The following KLK7 variants were observed in gnomAD, a reference collection of about 807,000 sequenced individuals.
KLK7 encodes kallikrein-7.
In KLK7, 17 loss-of-function variants were observed where a neutral mutation model predicts 21.0. That is an observed-to-expected ratio of 0.81 (90% confidence interval 0.55 to 1.21). KLK7 has a LOEUF of 1.21. Among genes scored for constraint, KLK7 ranks in the 50% most tolerant of loss-of-function variants. KLK7 has a pLI of 0.00. For synonymous variants in KLK7, 151 were observed against 134.6 expected, an observed-to-expected ratio of 1.12 and a Z score of -0.85; for missense variants, 330 against 322.8, an observed-to-expected ratio of 1.02 and a Z score of -0.17.
At chr19:50,983,781 G>A (rs911711845) in intron 1 of KLK7, 70 bp downstream of exon 1, 66 of 1,280,960 alleles carry the variant, frequency 5.2e-5, no homozygotes, top group African/African-American at 3.0e-4. Flanking sequence ...CCTCTCGAGA[G>A]CAGAGTCAGG....
intron 5 of KLK7, among the ~76,000 whole-genome samples, chr19:50,979,442 A>G (rs2091059731): frequency 6.6e-6 from 1 of 152,094 alleles, no homozygotes; most frequent in Admixed American, 6.5e-5. Flanking sequence ...ATGAGTTTTT[A>G]TTTTTATTTT....
At position 50,977,071 on chromosome 19, in the gene KLK7, G is replaced by A. The variant is rs935819885; in HGVS notation, c.*465C>T. ...AAAAAAACATCGTTGTGCCAAGCCAGACTATTATTTAAGCCATCTGGTACT... is the reference window on the plus strand; with the variant it reads ...AAAAAAACATCGTTGTGCCAAGCCAAACTATTATTTAAGCCATCTGGTACT... On this transcript the variant is annotated 3_prime_UTR_variant, in exon 6 of 6. Transcript: ENST00000595820. 12 of 154,096 alleles carry A rather than the reference G, an allele frequency of 7.8e-5. No homozygotes were observed. Among genetic ancestry groups the A allele is most frequent in the Admixed American group, 7.7e-4 (12 of 15,558 alleles). 9.5% of individuals were successfully genotyped at this position (154,096 alleles called of 1,614,324 possible).
chr19:50,980,652 A>G (rs1307273144), intron 3 of KLK7, among the ~76,000 whole-genome samples, 165 bp from the exon 4 acceptor site: 7 of 140,662 alleles, frequency 5.0e-5, no homozygotes, highest in Non-Finnish European at 9.2e-5. Flanking sequence ...ACAGAGATCC[A>G]GAGAGAGAGG....
Position 50,976,488 on chromosome 19 carries a change from C to T in KLK7, c.*1048G>A, listed in dbSNP as rs1430906874. 6.6e-6 allele frequency: 1 copy of T among 152,152 alleles called. No homozygotes were observed. Among genetic ancestry groups the T allele is most frequent in the East Asian group, 1.9e-4 (1 of 5,184 alleles). 9.4% of individuals were successfully genotyped at this position (152,152 alleles called of 1,614,324 possible). On this transcript the variant is annotated 3_prime_UTR_variant, in exon 6 of 6. Coordinates refer to ENST00000595820, the MANE Select transcript of KLK7 (RefSeq NM_005046.4). ...CAATCTTAGATCTTCAGACTTTTTTCCCCACCTTTATTTTTCATGTTATAA... is the reference window on the plus strand; with the variant it reads ...CAATCTTAGATCTTCAGACTTTTTTTCCCACCTTTATTTTTCATGTTATAA...
intron 3 of KLK7, among the ~76,000 whole-genome samples, 188 bp from the exon 4 acceptor site, chr19:50,980,675 C>CAG: frequency 9.3e-6 from 1 of 107,948 alleles, no homozygotes; most frequent in Non-Finnish European, 1.8e-5. Context: ...GACAGAGCCC[C>CAG]AGAGAGAGGG....
rs1206606790 is a variant in KLK7 at position 50,977,612 on chromosome 19, G to A, written c.686C>T (p.Pro229Leu). 1.2e-5 allele frequency: 19 copies of A among 1,613,742 alleles called. No homozygotes were observed. The highest frequency in any genetic ancestry group is 1.6e-5 in the Non-Finnish European group (19 of 1,179,934). The change falls in exon 6 of 6, where the codon CCC becomes CTC. Residue 229 changes from proline (P) to leucine (L), a missense_variant. Physicochemically the swap from Pro to Leu is moderately conservative, Grantham distance 98 (BLOSUM62 -3). Transcript: ENST00000595820. Reference sequence around the variant, plus strand: ...TTGAGTGTAGACTCCTGGGTCATTGGGTTGGCCGCAAGGGAAAGTTCCCCA... The same window carrying A: ...TTGAGTGTAGACTCCTGGGTCATTGAGTTGGCCGCAAGGGAAAGTTCCCCA... ...VSWGTFPCGQ[P>L]NDPGVYTQVC...
rs1251517977 is a variant in KLK7 at position 50,981,195 on chromosome 19, CAG to C, written c.221+570_221+571del. Among the ~76,000 whole-genome samples, 6 of 118,870 alleles carry C rather than the reference CAG, an allele frequency of 5.0e-5. No homozygotes were observed. The East Asian group carries it at 1.1e-3, about 21-fold the overall frequency. 78.0% of individuals were successfully genotyped at this position (118,870 alleles called of 152,430 possible). A position where few individuals can be genotyped will look rare whatever the true frequency, so the allele number is the denominator to read the frequency against. On this transcript the variant is annotated intron_variant, in intron 3 of 5. Coordinates refer to ENST00000595820, the MANE Select transcript of KLK7 (RefSeq NM_005046.4). ...GACCCAGAGAGAGAGGGACAGAGAC[CAG>C]AGAGAGAGGAGGGGGAACAGAGACC...
intron 1 of KLK7, 79 bp downstream of exon 1, chr19:50,983,772 C>T: frequency 3.1e-6 from 4 of 1,276,186 alleles, no homozygotes; most frequent in Non-Finnish European, 4.1e-6. Context: ...CAGCCCCTAC[C>T]TCTCGAGAGC....
intron 1 of KLK7, among the ~76,000 whole-genome samples, chr19:50,982,813 C>T (rs1209176013): frequency 4.3e-5 from 6 of 138,426 alleles, no homozygotes; most frequent in Admixed American, 7.0e-5. Flanking sequence ...GTCCAGGCCC[C>T]CAGCTCCTCC....
Position 50,977,581 on chromosome 19 carries a change from G to T in KLK7, c.717C>A (p.Cys239Ter). 2 of 1,613,908 alleles carry T rather than the reference G, an allele frequency of 1.2e-6. No homozygotes were observed. Among genetic ancestry groups the T allele is most frequent in the Non-Finnish European group, 1.7e-6 (2 of 1,179,934 alleles). ...TGTCATTTATCCACTTGGTGAACTT[G>T]CACACTTGAGTGTAGACTCCTGGGT... ...PNDPGVYTQVCKFTKWINDTM... is the reference protein window; with the variant it reads ...PNDPGVYTQV The change falls in exon 6 of 6, where the codon TGC becomes TGA. Residue 239 changes from cysteine to a stop codon, truncating the protein, a stop_gained. Coordinates refer to ENST00000595820, the MANE Select transcript of KLK7 (RefSeq NM_005046.4). LOFTEE classifies it low-confidence loss of function (END_TRUNC).
chr19:50,977,273 G>T lies in KLK7; in HGVS notation c.*263C>A, dbSNP rs144946635. On this transcript the variant is annotated 3_prime_UTR_variant, in exon 6 of 6. Transcript: ENST00000595820. ...GGTGTACGTTGACCAAGTGTCTTCC[G>T]TAAAGACTGTACGAACGTCCAGTTC... is the stretch of plus-strand genomic sequence containing the variant. 1 of 427,306 alleles carries T rather than the reference G, an allele frequency of 2.3e-6. No homozygotes were observed. 26.5% of individuals were successfully genotyped at this position (427,306 alleles called of 1,614,324 possible).
chr19:50,981,085 G>C (rs1468039219), intron 3 of KLK7, among the ~76,000 whole-genome samples: 2 of 147,230 alleles, frequency 1.4e-5, no homozygotes, highest in African/African-American at 5.2e-5. Flanking sequence ...CCCAGAGAGA[G>C]AGGGACAGAG....
intron 2 of KLK7, 52 bp downstream of exon 2, chr19:50,982,275 A>G: frequency 6.3e-7 from 1 of 1,581,250 alleles, no homozygotes; most frequent in Non-Finnish European, 8.6e-7. Context: ...CTCCTTGGAG[A>G]GGGTCAGTGG....
In KLK7 at chr19:50,980,443, C is replaced by G. The variant is rs201304622; in HGVS notation, c.266G>C (p.Arg89Thr). 5.0e-6 allele frequency: 8 copies of G among 1,614,004 alleles called. No individual in the cohort carries two copies. In the East Asian group the frequency reaches 1.8e-4, roughly 36 times the overall value. Reference protein sequence around the residue: ...HLGSDTLGDRRAQRIKASKSF... With the variant: ...HLGSDTLGDRTAQRIKASKSF... ...CTTCGAGGCCTTGATCCTCTGAGCTCTCCTGTCGCCCAGCGTATCACTGCC... is the reference window on the plus strand; with the variant it reads ...CTTCGAGGCCTTGATCCTCTGAGCTGTCCTGTCGCCCAGCGTATCACTGCC... The change falls in exon 4 of 6, where the codon AGA becomes ACA. Residue 89 changes from arginine to threonine, a missense_variant. Coordinates refer to ENST00000595820, the MANE Select transcript of KLK7 (RefSeq NM_005046.4).
At chr19:50,982,064 G>A in intron 2 of KLK7, 150 bp from the exon 3 acceptor site, 1 of 933,462 alleles carries the variant, frequency 1.1e-6, no homozygotes. Flanking sequence ...GATAGAGACA[G>A]ACAGAAGGAG....
At chr19:50,977,985 T>C (rs2091049456) in intron 5 of KLK7, among the ~76,000 whole-genome samples, 1 of 152,018 alleles carries the variant, frequency 6.6e-6, no homozygotes, top group South Asian at 2.1e-4. Context: ...TGCTCCAAGC[T>C]AGTGGGAGAA....
At chr19:50,983,390 C>T (rs539433830) in intron 1 of KLK7, among the ~76,000 whole-genome samples, 1 of 78,566 alleles carries the variant, frequency 1.3e-5, no homozygotes. Context: ...GGAGTCCAGG[C>T]CCCAGCTCCT....
intron 1 of KLK7, 108 bp downstream of exon 1, chr19:50,983,743 G>C: frequency 8.0e-7 from 1 of 1,250,218 alleles, no homozygotes; most frequent in Non-Finnish European, 1.0e-6. Flanking sequence ...TCACTGCTCA[G>C]GACCGGGAGT....
chr19:50,980,392 G>A lies in KLK7; in HGVS notation c.317C>T (p.Thr106Ile). 6.2e-7 allele frequency: 1 copy of A among 1,614,086 alleles called. No individual in the cohort carries two copies. The highest frequency in any genetic ancestry group is 8.5e-7 in the Non-Finnish European group (1 of 1,179,986). Reference sequence around the variant, plus strand: ...CATGAGGTCATTAACATGGGTCTGTGTGGAGTAGCCGGGGTGGCGGAATGA... The same window carrying A: ...CATGAGGTCATTAACATGGGTCTGTATGGAGTAGCCGGGGTGGCGGAATGA... ...SKSFRHPGYS[T>I]QTHVNDLMLV... The change falls in exon 4 of 6, where the codon ACA becomes ATA. Residue 106 changes from threonine to isoleucine, a missense_variant. Thr to Ile is a moderately conservative substitution (Grantham distance 89). Transcript: ENST00000595820.
Sources: allele counts gnomAD v4.1 joint callset (sites outside exome capture counted in the v4.1 genomes callset), GRCh38; gene constraint gnomAD v4.1.1; transcripts MANE v1.5; gene names NCBI Gene and HGNC (gene_info 2026-07-23, HGNC 2026-07-21).